CENPI: variants seen among roughly 807,000 people sequenced by gnomAD.
CENPI encodes FSH primary response 1.
In CENPI, 4 loss-of-function variants were observed where a neutral mutation model predicts 60.4. The ratio of observed to expected loss-of-function variants is 0.07; its 90% CI spans 0.03 to 0.15. The LOEUF (loss-of-function observed/expected upper bound fraction) is 0.15, where lower values mean the gene tolerates loss of function less well. Ranked by LOEUF, CENPI falls within the 10% of genes least tolerant of loss-of-function variation. The pLI is 1.00. For synonymous variants in CENPI, 157 were observed against 189.4 expected (o/e 0.83, Z 1.40); for missense variants, 444 against 534.5 (o/e 0.83, Z 1.67).
At chrX:101,167,996 A>G (rs111647721), downstream of CENPI, among the ~76,000 whole-genome samples, 69 of 111,991 alleles carry the variant, frequency 6.2e-4, no homozygotes, top group Non-Finnish European at 1.1e-3. Flanking sequence ...GCCTGACTTT[A>G]TGTGGAGACT....
intron 6 of CENPI, among the ~76,000 whole-genome samples, chrX:101,114,618 CTG>C (rs202058335): frequency 0.011 from 1,224 of 111,911 alleles, 14 homozygotes; most frequent in African/African-American, 0.038. Flanking sequence ...CAAGTTTCAT[CTG>C]TGTTATAGCA....
At chrX:101,140,063 G>C (rs181844596) in intron 15 of CENPI, among the ~76,000 whole-genome samples, 2,756 of 110,987 alleles carry the variant, frequency 0.025, 72 homozygotes, top group African/African-American at 0.084. Context: ...GTCTCGATCT[G>C]CTGACCTTCT....
At chrX:101,169,016 G>T (rs976205999), downstream of CENPI, among the ~76,000 whole-genome samples, 5 of 111,973 alleles carry the variant, frequency 4.5e-5, no homozygotes, top group African/African-American at 9.7e-5. Flanking sequence ...TATCTTCAAA[G>T]AAATTAAAGC....
At chrX:101,108,671 G>T (rs1278946451) in intron 4 of CENPI, among the ~76,000 whole-genome samples, 1 of 107,349 alleles carries the variant, frequency 9.3e-6, no homozygotes, top group Non-Finnish European at 1.9e-5. Context: ...TTGAGAGAGG[G>T]TCTCACTCTG....
At position 101,165,252 on chromosome X, in the gene CENPI, G is replaced by C. The variant is rs1024984383; in HGVS notation, c.*2285G>C. Among the ~76,000 whole-genome samples the C allele has an allele frequency of 1.8e-5, 2 of 111,902 alleles. No homozygotes were observed. The highest frequency in any genetic ancestry group is 9.5e-5 in the Admixed American group (1 of 10,506). ...ATGAAATATGGAGCTACAATGTCAA[G>C]GTTAGACTGAAGAAGATTAAAGAGG... On this transcript the variant is annotated 3_prime_UTR_variant, in exon 22 of 22. Coordinates refer to ENST00000682095, the MANE Select transcript of CENPI (RefSeq NM_001386188.2).
At chrX:101,177,814 G>A in the CENPI span, among the ~76,000 whole-genome samples, 38 of 112,138 alleles carry the variant, frequency 3.4e-4, no homozygotes, top group Non-Finnish European at 4.5e-4. Flanking sequence ...TTTAGCCCTC[G>A]TGGCACAGTG....
At chrX:101,135,139 G>C (rs770330561) in intron 15 of CENPI, among the ~76,000 whole-genome samples, 6 of 111,694 alleles carry the variant, frequency 5.4e-5, no homozygotes, top group Non-Finnish European at 1.1e-4. Flanking sequence ...TTATAACAAA[G>C]AAAAAAATAA....
Position 101,109,489 on chromosome X carries a change from A to G in CENPI, c.381A>G (p.Thr127=). 1 of 1,202,317 alleles carries G rather than the reference A, an allele frequency of 8.3e-7. No individual in the cohort carries two copies. The highest frequency in any genetic ancestry group is 1.1e-6 in the Non-Finnish European group (1 of 886,953). ...CCTTTCCAGGAAATGCTGTAAACACACGGATATTGAAGTGCATGATCCCAG... is the reference window on the plus strand; with the variant it reads ...CCTTTCCAGGAAATGCTGTAAACACGCGGATATTGAAGTGCATGATCCCAG... ...LSGKFGNAVN[T]RILKCMIPAT... is the part of the protein sequence containing the mutation. Residue 127 remains threonine, a synonymous_variant, in exon 5 of 22, where the codon ACA becomes ACG. Transcript: ENST00000682095.
At chrX:101,108,246 T>C (rs1258370128) in intron 4 of CENPI, among the ~76,000 whole-genome samples, 1 of 111,217 alleles carries the variant, frequency 9.0e-6, no homozygotes, top group Non-Finnish European at 1.9e-5. Flanking sequence ...GGCTAATTTT[T>C]ATATTTTTTG....
chrX:101,153,183 A>G (rs751578865), intron 20 of CENPI, among the ~76,000 whole-genome samples: 4 of 111,274 alleles, frequency 3.6e-5, no homozygotes, highest in African/African-American at 9.8e-5. Flanking sequence ...CATGGTAGCT[A>G]TTGATGTTTA....
intron 15 of CENPI, among the ~76,000 whole-genome samples, chrX:101,135,263 G>A (rs1000974002): frequency 9.0e-6 from 1 of 111,169 alleles, no homozygotes; most frequent in African/African-American, 3.3e-5. Flanking sequence ...TCAAGGAACT[G>A]TGAAGCTGAA....
chrX:101,143,662 C>T (rs1405206434), intron 16 of CENPI, among the ~76,000 whole-genome samples: 2 of 112,372 alleles, frequency 1.8e-5, no homozygotes, highest in Middle Eastern at 4.6e-3. Flanking sequence ...TCCCAAGTAA[C>T]GGATTACAGG....
chrX:101,105,417 G>A (rs1305938984), intron 4 of CENPI, among the ~76,000 whole-genome samples: 1 of 111,522 alleles, frequency 9.0e-6, no homozygotes, highest in Admixed American at 9.6e-5. Flanking sequence ...GCAGCTACTT[G>A]GGAGGCTGAG....
chrX:101,106,702 G>A (rs1048455621), intron 4 of CENPI, among the ~76,000 whole-genome samples: 2 of 110,771 alleles, frequency 1.8e-5, no homozygotes, highest in Non-Finnish European at 3.8e-5. Context: ...ACACCATAGA[G>A]GCCTGAGATC....
intron 6 of CENPI, among the ~76,000 whole-genome samples, chrX:101,113,301 A>C (rs1364862659): frequency 2.0e-5 from 2 of 101,247 alleles, no homozygotes; most frequent in Non-Finnish European, 4.0e-5. Context: ...ACACACACAC[A>C]CACACACACA....
Position 101,114,334 on chromosome X carries a change from T to C in CENPI, c.591+4336T>C, listed in dbSNP as rs893255985. On this transcript the variant is annotated intron_variant, in intron 6 of 21. Coordinates refer to ENST00000682095, the MANE Select transcript of CENPI (RefSeq NM_001386188.2). The stretch of plus-strand genomic sequence containing the variant: ...TTCACATACCATACAATTCACCCAT[T>C]TAAAGTATTCAATTTGCTGATTTTA... 1.2e-4 allele frequency among the ~76,000 whole-genome samples: 13 copies of C among 112,089 alleles called. No homozygotes were observed. In the Admixed American group the frequency reaches 1.2e-3, roughly 11 times the overall value.
chrX:101,102,995 G>A (rs1380802899), intron 4 of CENPI, among the ~76,000 whole-genome samples: 2 of 88,053 alleles, frequency 2.3e-5, no homozygotes, highest in Non-Finnish European at 4.5e-5. Context: ...TGGCCGAGGG[G>A]ATTTTTTTTT....
intron 11 of CENPI, among the ~76,000 whole-genome samples, chrX:101,128,430 A>C (rs1358634220): frequency 9.0e-6 from 1 of 111,465 alleles, no homozygotes. Flanking sequence ...CCTGGGAGGC[A>C]GAGGTTGCAC....
At chrX:101,150,833 T>A (rs919492255) in intron 20 of CENPI, among the ~76,000 whole-genome samples, 1 of 111,051 alleles carries the variant, frequency 9.0e-6, no homozygotes, top group Non-Finnish European at 1.9e-5. Flanking sequence ...GTGTTTTCCT[T>A]TCTTTAAACT....
Sources: allele counts gnomAD v4.1 joint callset (sites outside exome capture counted in the v4.1 genomes callset), GRCh38; gene constraint gnomAD v4.1.1; transcripts MANE v1.5; gene names NCBI Gene and HGNC (gene_info 2026-07-23, HGNC 2026-07-21).